CDH4: variants seen among roughly 807,000 people sequenced by gnomAD.
CDH4 encodes cadherin-4.
Under a neutral mutation model 86.0 loss-of-function variants are expected in CDH4, and 33 were observed. The observed-to-expected ratio is 0.38, with a 90% confidence interval of 0.29 to 0.51. The LOEUF is 0.51. Among genes scored for constraint, CDH4 ranks in the 20% least tolerant of loss-of-function variants. The pLI, the probability that CDH4 is intolerant of heterozygous loss-of-function variation, is 0.86. For missense variants in CDH4, 1,114 were observed against 1,307.4 expected, an observed-to-expected ratio of 0.85 and a Z score of 2.28; for synonymous variants, 555 against 549.4, an observed-to-expected ratio of 1.01 and a Z score of -0.14.
intron 4 of CDH4, among the ~76,000 whole-genome samples, chr20:61,838,085 G>A (rs1173416326): frequency 6.6e-6 from 1 of 151,918 alleles, no homozygotes; most frequent in Non-Finnish European, 1.5e-5. Flanking sequence ...GCCTCCTTAG[G>A]GCCAGGACAG....
At chr20:61,280,885 C>G (rs984582871) in intron 2 of CDH4, among the ~76,000 whole-genome samples, 1 of 152,176 alleles carries the variant, frequency 6.6e-6, no homozygotes, top group Non-Finnish European at 1.5e-5. Context: ...GAGTAGGTGT[C>G]GGGGTCCAGG....
At chr20:61,753,656 T>A (rs2088524866) in intron 3 of CDH4, among the ~76,000 whole-genome samples, 1 of 152,206 alleles carries the variant, frequency 6.6e-6, no homozygotes, top group South Asian at 2.1e-4. Flanking sequence ...GCTGCAGCAC[T>A]GAAAAGTGGC....
At chr20:61,415,528 C>A (rs1015022113) in intron 2 of CDH4, among the ~76,000 whole-genome samples, 9 of 152,072 alleles carry the variant, frequency 5.9e-5, no homozygotes, top group Admixed American at 5.2e-4. Context: ...ACACGCACTC[C>A]CAGCCGCACT....
chr20:61,909,373 C>T (rs1439362784), intron 8 of CDH4, among the ~76,000 whole-genome samples: 2 of 152,226 alleles, frequency 1.3e-5, no homozygotes, highest in African/African-American at 2.4e-5. Context: ...TGGAAGGTTC[C>T]GCCCATGTAA....
intron 6 of CDH4, among the ~76,000 whole-genome samples, chr20:61,854,332 T>G (rs1008846030): frequency 1.3e-5 from 2 of 152,182 alleles, no homozygotes; most frequent in Non-Finnish European, 2.9e-5. Context: ...GGGCGGTCCC[T>G]GGGCTATAGT....
chr20:61,639,159 G>A (rs1044718857), intron 2 of CDH4, among the ~76,000 whole-genome samples: 3 of 152,230 alleles, frequency 2.0e-5, no homozygotes, highest in African/African-American at 7.2e-5. Context: ...TCTGAGGTCC[G>A]TGCAAGGTGG....
chr20:61,476,718 T>G (rs576877733), intron 2 of CDH4, among the ~76,000 whole-genome samples: 2 of 152,362 alleles, frequency 1.3e-5, no homozygotes, highest in African/African-American at 2.4e-5. Context: ...TTCACACTAT[T>G]ACCTTTATCG....
chr20:61,455,866 C>G (rs2085404094), intron 2 of CDH4, among the ~76,000 whole-genome samples: 1 of 152,050 alleles, frequency 6.6e-6, no homozygotes, highest in African/African-American at 2.4e-5. Flanking sequence ...GCCAAACATG[C>G]ATGCAGGTGT....
chr20:61,416,232 C>T (rs543628895), intron 2 of CDH4, among the ~76,000 whole-genome samples: 18 of 149,514 alleles, frequency 1.2e-4, no homozygotes, highest in Middle Eastern at 4.1e-3. Flanking sequence ...GAAGTCCTGA[C>T]CTCATGATCC....
rs200482966 is a variant in CDH4, at chr20:61,933,075, G to A, written c.2330G>A (p.Arg777His). 98 of 1,613,110 alleles carry A rather than the reference G, an allele frequency of 6.1e-5. No individual in the cohort carries two copies. Among genetic ancestry groups the A allele is most frequent in the Non-Finnish European group, 4.7e-5 (55 of 1,180,024 alleles). Reference protein sequence around the residue: ...QLLIDPEDDVRDNILKYDEEG... With the variant: ...QLLIDPEDDVHDNILKYDEEG... ...CTCATTGACCCCGAGGACGACGTCC[G>A]CGACAACATCCTCAAGTATGACGAG... Residue 777 changes from arginine to histidine, a missense_variant, in exon 14 of 16, where the codon CGC becomes CAC. By Grantham distance (29) the Arg-to-His change is conservative. Transcript: ENST00000614565.
chr20:61,616,680 A>C (rs1440640915), intron 2 of CDH4, among the ~76,000 whole-genome samples: 2 of 152,192 alleles, frequency 1.3e-5, no homozygotes, highest in Non-Finnish European at 2.9e-5. Context: ...TGCTGTCATC[A>C]TGGCCACCAC....
intron 2 of CDH4, among the ~76,000 whole-genome samples, chr20:61,384,312 T>A (rs2084939454): frequency 6.6e-6 from 1 of 152,102 alleles, no homozygotes; most frequent in African/African-American, 2.4e-5. Flanking sequence ...GGAGGAACCA[T>A]GAGTGTAGAG....
intron 4 of CDH4, among the ~76,000 whole-genome samples, chr20:61,777,826 GCGCACGCACTT>G: frequency 6.9e-6 from 1 of 144,676 alleles, no homozygotes; most frequent in Non-Finnish European, 1.5e-5. Context: ...ACATCCACAT[GCGCACGCACTT>G]GCATACAAAA....
At chr20:61,725,372 G>A (rs950668856) in intron 2 of CDH4, among the ~76,000 whole-genome samples, 2 of 152,206 alleles carry the variant, frequency 1.3e-5, no homozygotes, top group Admixed American at 1.3e-4. Flanking sequence ...AAGGGCCAGA[G>A]CCAGGACCCA....
intron 2 of CDH4, among the ~76,000 whole-genome samples, chr20:61,533,321 C>T (rs1197725446): frequency 6.6e-6 from 1 of 152,164 alleles, no homozygotes; most frequent in African/African-American, 2.4e-5. Context: ...GGATCGGACA[C>T]CCAGGACTGC....
chr20:61,498,779 CAT>C (rs2085679965), intron 2 of CDH4, among the ~76,000 whole-genome samples: 1 of 152,148 alleles, frequency 6.6e-6, no homozygotes, highest in Admixed American at 6.5e-5. Flanking sequence ...AAAAAAATCT[CAT>C]AACGTTTTAA....
At chr20:61,660,408 T>C (rs2087240102) in intron 2 of CDH4, among the ~76,000 whole-genome samples, 1 of 152,328 alleles carries the variant, frequency 6.6e-6, no homozygotes, top group African/African-American at 2.4e-5. Context: ...ATGTTAGCAG[T>C]AAAATGCCTC....
At chr20:61,862,003 A>G (rs1181163435) in intron 6 of CDH4, among the ~76,000 whole-genome samples, 1 of 152,190 alleles carries the variant, frequency 6.6e-6, no homozygotes, top group Non-Finnish European at 1.5e-5. Context: ...GTCCCAGGCC[A>G]CTGTGAACGG....
chr20:61,331,698 G>GGCCCACCTCCGGCCCCGGCCACCTGCCCC (rs1568801283), intron 2 of CDH4, among the ~76,000 whole-genome samples: 1 of 143,012 alleles, frequency 7.0e-6, no homozygotes, highest in Non-Finnish European at 1.5e-5. Context: ...ACCTGCCCCA[G>GGCCCACCTCCGGCCCCGGCCACCTGCCCC]AGCCACCTCC....
Sources: gnomAD v4.1 joint callset for allele counts (sites outside exome capture counted in the v4.1 genomes callset) on GRCh38, gnomAD v4.1.1 for gene constraint, MANE v1.5 for transcripts, NCBI Gene and HGNC (gene_info 2026-07-23, HGNC 2026-07-21) for gene names.